Variants in TTN observed in about 807,000 individuals in gnomAD.
TTN encodes connectin.
In TTN, 1,525 loss-of-function variants were observed where a neutral mutation model predicts 3,223.0. The ratio of observed to expected loss-of-function variants is 0.47; its 90% CI spans 0.45 to 0.49. The LOEUF is 0.49. TTN is among the 20% of genes least tolerant of loss of function. The pLI is 0.00. For missense variants in TTN, 40,786 were observed against 43,424.0 expected (o/e 0.94, Z 5.40); for synonymous variants, 14,094 against 15,161.0 (o/e 0.93, Z 5.17).
At position 178,563,787 on chromosome 2, in the gene TTN, T is replaced by G. The variant is rs925851202; in HGVS notation, c.82345A>C (p.Lys27449Gln). Residue 27449 changes from lysine to glutamine, a missense_variant, in exon 326 of 363, where the codon AAA (lysine) becomes CAA (glutamine). By Grantham distance (53) the Lys-to-Gln change is moderately conservative (BLOSUM62 1). Transcript: ENST00000589042. The surrounding 1 kb of genome is among the most constrained non-coding windows in gnomAD (Gnocchi z 4.5). ...EYIFRVMAVNKYGIGEPLESG... is the reference protein window; with the variant it reads ...EYIFRVMAVNQYGIGEPLESG... ...TCCAAGGGCTCTCCAATTCCATATT[T>G]ATTCACAGCCATGACACGGAAAATG... is the stretch of plus-strand genomic sequence containing the variant. 1 of 1,613,576 alleles carries G rather than the reference T, an allele frequency of 6.2e-7. No homozygotes were observed.
chr2:178,731,812 T>A lies in TTN; in HGVS notation c.17063A>T (p.Gln5688Leu). The change falls in exon 58 of 363, where the codon CAG becomes CTG. Residue 5688 changes from glutamine (Q) to leucine (L), a missense_variant. Coordinates refer to ENST00000589042, the MANE Select transcript of TTN (RefSeq NM_001267550.2). ...RSGRKYKTFIQDHLVSLQILK... is the reference protein window; with the variant it reads ...RSGRKYKTFILDHLVSLQILK... ...GATCTGCAGGCTAACCAGATGATCC[T>A]GAATGAAAGTCTTATACTTTCTACC... 1 of 1,613,822 alleles carries A rather than the reference T, an allele frequency of 6.2e-7. No homozygotes were observed. Among genetic ancestry groups the A allele is most frequent in the South Asian group, 1.1e-5 (1 of 91,084 alleles).
chr2:178,594,794 CTA>C, intron 295 of TTN, 148 bp from the exon 296 acceptor site: 1 of 634,516 alleles, frequency 1.6e-6, no homozygotes, highest in Non-Finnish European at 2.5e-6. Flanking sequence ...CATCATAAAA[CTA>C]TTAGAGTTAA....
chr2:178,608,363 T>C lies in TTN; in HGVS notation c.52520A>G (p.Glu17507Gly). ...ATGTGTACTGTTAACTTCACGTTTT[T>C]CAAGCCAGTAACCCAAAATGGGGCT... ...NGSPILGYWL[E>G]KREVNSTHWS... The change falls in exon 275 of 363, where the codon GAA (glutamate) becomes GGA (glycine). Residue 17507 changes from glutamate to glycine, a missense_variant. Physicochemically the swap from Glu to Gly is moderately conservative, Grantham distance 98. Coordinates refer to ENST00000589042, the MANE Select transcript of TTN (RefSeq NM_001267550.2). The C allele has an allele frequency of 6.2e-7, 1 of 1,612,036 alleles. No individual in the cohort carries two copies. The highest frequency in any genetic ancestry group is 8.5e-7 in the Non-Finnish European group (1 of 1,179,052).
Position 178,698,930 on chromosome 2 carries a change from A to G in TTN, c.30683-16T>C, listed in dbSNP as rs1560474526. 20 of 1,483,172 alleles carry G rather than the reference A, an allele frequency of 1.3e-5. No homozygotes were observed. Among genetic ancestry groups the G allele is most frequent in the Admixed American group, 2.6e-5 (1 of 39,208 alleles). 91.9% of individuals were successfully genotyped at this position (1,483,172 alleles called of 1,614,324 possible). A position where few individuals can be genotyped will look rare whatever the true frequency, so the allele number is the denominator to read the frequency against. On this transcript the variant is annotated splice_polypyrimidine_tract_variant and intron_variant, in intron 111 of 362. Transcript: ENST00000589042. The stretch of plus-strand genomic sequence containing the variant: ...TTTTTGGTAACTAAAAAAAAAAAAA[A>G]AGAAAAAAAAAGAAAAAATATTTCT...
intron 47 of TTN, chr2:178,748,888 T>C: frequency 6.2e-7 from 1 of 1,612,526 alleles, no homozygotes; most frequent in Non-Finnish European, 8.5e-7. Context: ...TTAGATTGCT[T>C]GATCTTGATT....
At position 178,720,502 on chromosome 2, in the gene TTN, G is replaced by A; in HGVS notation, c.23260C>T (p.His7754Tyr). 6.2e-7 allele frequency: 1 copy of A among 1,613,646 alleles called. No individual in the cohort carries two copies. The highest frequency in any genetic ancestry group is 1.1e-5 in the South Asian group (1 of 91,068). ...NSKKFKITSKHFDTSLHILNL... is the reference protein window; with the variant it reads ...NSKKFKITSKYFDTSLHILNL... The stretch of plus-strand genomic sequence containing the variant: ...AGGATATGAAGACTTGTATCAAAAT[G>A]TTTTGAAGTGATTTTAAATTTCTTG... The change falls in exon 80 of 363, where the codon CAT becomes TAT. Residue 7754 changes from histidine to tyrosine, a missense_variant. Coordinates refer to ENST00000589042, the MANE Select transcript of TTN (RefSeq NM_001267550.2).
intron 163 of TTN, among the ~76,000 whole-genome samples, 163 bp downstream of exon 163, chr2:178,666,661 C>T (rs1156432077): frequency 6.6e-6 from 1 of 152,140 alleles, no homozygotes; most frequent in East Asian, 1.9e-4. Flanking sequence ...TTGAGTGACT[C>T]ACTGGGACAT....
Position 178,725,571 on chromosome 2 carries a change from T to G in TTN, c.20633A>C (p.Glu6878Ala), listed in dbSNP as rs752107739. The stretch of plus-strand genomic sequence containing the variant: ...CTGGACAAAAATAGGCTGGGCGCCT[T>G]CTATGGATGCTTGTAATTCAGCAGG... The part of the protein sequence containing the change: ...GEPAELQASI[E>A]GAQPIFVQWL... Residue 6878 changes from glutamate to alanine, a missense_variant, in exon 71 of 363, where the codon GAA (glutamate) becomes GCA (alanine). By Grantham distance (107) the Glu-to-Ala change is moderately radical. Transcript: ENST00000589042. The G allele has an allele frequency of 8.1e-6, 13 of 1,612,746 alleles. No individual in the cohort carries two copies. The highest frequency in any genetic ancestry group is 1.1e-5 in the Non-Finnish European group (13 of 1,179,348).
intron 258 of TTN, 40 bp downstream of exon 258, chr2:178,615,601 G>C (rs764781593): frequency 6.2e-7 from 1 of 1,610,224 alleles, no homozygotes; most frequent in Admixed American, 1.7e-5. Flanking sequence ...GCAAAAACAG[G>C]CAACAAGATT....
Position 178,579,761 on chromosome 2 carries a change from C to G in TTN, c.67436G>C (p.Gly22479Ala). The change falls in exon 319 of 363, where the codon GGT (glycine) becomes GCT (alanine). Residue 22479 changes from glycine (G) to alanine (A), a missense_variant. Physicochemically the swap from Gly to Ala is moderately conservative, Grantham distance 60. Coordinates refer to ENST00000589042, the MANE Select transcript of TTN (RefSeq NM_001267550.2). Reference sequence around the variant, plus strand: ...TACATATCCAATAATCCGACTTCCACCATCACTGTGAGGCTTTTTCCAGCC... The same window carrying G: ...TACATATCCAATAATCCGACTTCCAGCATCACTGTGAGGCTTTTTCCAGCC... ...SIGWKKPHSDGGSRIIGYVVD... is the reference protein window; with the variant it reads ...SIGWKKPHSDAGSRIIGYVVD... 6.2e-7 allele frequency: 1 copy of G among 1,613,340 alleles called. No individual in the cohort carries two copies. The highest frequency in any genetic ancestry group is 1.1e-5 in the South Asian group (1 of 91,074).
Position 178,536,168 on chromosome 2 carries a change from C to T in TTN, c.100579G>A (p.Val33527Ile), listed in dbSNP as rs2278196. ...TCTTTGCCTTGTCTGTACCATTTGA[C>T]GATAGGTTTTGGATGACCAGTCACT... ...CKVTGHPKPI[V>I]KWYRQGKEII... The change falls in exon 357 of 363, where the codon GTC (valine) becomes ATC (isoleucine). Residue 33527 changes from valine (V) to isoleucine (I), a missense_variant. Val to Ile is a conservative substitution (Grantham distance 29). Transcript: ENST00000589042. 0.025 allele frequency: 40,890 copies of T among 1,613,412 alleles called. 1,143 individuals carry two copies. The highest frequency in any genetic ancestry group is 0.16 in the East Asian group (7,244 of 44,834).
In TTN at chr2:178,731,884, G is replaced by A; in HGVS notation, c.16991C>T (p.Pro5664Leu). The A allele has an allele frequency of 6.2e-7, 1 of 1,613,758 alleles. No homozygotes were observed. Among genetic ancestry groups the A allele is most frequent in the Non-Finnish European group, 8.5e-7 (1 of 1,179,734 alleles). ...TTTGAACCAAGTGATCTCAAAGGGA[G>A]GAGTGCCTGCCACCTCAGCCAGCAA... is the stretch of plus-strand genomic sequence containing the variant. ...VMLLAEVAGT[P>L]PFEITWFKDN... The change falls in exon 58 of 363, where the codon CCT (proline) becomes CTT (leucine). Residue 5664 changes from proline (P) to leucine (L), a missense_variant. Coordinates refer to ENST00000589042, the MANE Select transcript of TTN (RefSeq NM_001267550.2).
chr2:178,671,974 T>C lies in TTN; in HGVS notation c.35224A>G (p.Lys11742Glu), dbSNP rs2067071366. 1.3e-6 allele frequency: 2 copies of C among 1,598,912 alleles called. No individual in the cohort carries two copies. Among genetic ancestry groups the C allele is most frequent in the Non-Finnish European group, 8.5e-7 (1 of 1,176,110 alleles). Residue 11742 changes from lysine to glutamate, a missense_variant, in exon 155 of 363, where the codon AAA becomes GAA. Transcript: ENST00000589042. ...GTATTTGAAGAATTCCCTATACCTTTAGGTGGAGCTTTTGGTTTTTCAAAT... is the reference window on the plus strand; with the variant it reads ...GTATTTGAAGAATTCCCTATACCTTCAGGTGGAGCTTTTGGTTTTTCAAAT... ...EVFEKPKAPP[K>E]GPEISEKIIP...
chr2:178,712,321 T>C lies in TTN; in HGVS notation c.27601A>G (p.Ile9201Val). ...GKDSCSAQIL[I>V]LEPPYFVKQL... ...ATGTGCAATCATGACAAACCTAGTA[T>C]GAGTATTTGTGCTGAACAGGAATCT... The change falls in exon 95 of 363, where the codon ATA becomes GTA. Residue 9201 changes from isoleucine to valine, a missense_variant. Coordinates refer to ENST00000589042, the MANE Select transcript of TTN (RefSeq NM_001267550.2). 6.2e-7 allele frequency: 1 copy of C among 1,612,556 alleles called. No individual in the cohort carries two copies. The highest frequency in any genetic ancestry group is 1.3e-5 in the African/African-American group (1 of 74,978).
At chr2:178,744,320 G>A in intron 47 of TTN, 1 of 928,520 alleles carries the variant, frequency 1.1e-6, no homozygotes, top group Non-Finnish European at 1.3e-6. Context: ...ATTGTATTAA[G>A]AATAATTACT....
chr2:178,581,089 TAAG>T (rs1380320252), intron 316 of TTN, among the ~76,000 whole-genome samples: 1 of 151,810 alleles, frequency 6.6e-6, no homozygotes, highest in Non-Finnish European at 1.5e-5. Context: ...ATAGAAGAAA[TAAG>T]AAGAAGGGAA....
intron 129 of TTN, 107 bp downstream of exon 129, chr2:178,685,146 G>T: frequency 8.3e-7 from 1 of 1,198,630 alleles, no homozygotes; most frequent in Non-Finnish European, 1.2e-6. Context: ...CTGACAAAAC[G>T]TAGACAGTTA....
chr2:178,573,283 T>A lies in TTN; in HGVS notation c.72849A>T (p.Lys24283Asn). 1 of 1,594,534 alleles carries A rather than the reference T, an allele frequency of 6.3e-7. No homozygotes were observed. Among genetic ancestry groups the A allele is most frequent in the Non-Finnish European group, 8.5e-7 (1 of 1,170,650 alleles). ...NKKTLTDLRYKVSGLTEGHEY... is the reference protein window; with the variant it reads ...NKKTLTDLRYNVSGLTEGHEY... Reference sequence around the variant, plus strand: ...CATGTCCTTCTGTCAGTCCAGACACTTTATATCTTAAATCAGTAAGAGTTT... The same window carrying A: ...CATGTCCTTCTGTCAGTCCAGACACATTATATCTTAAATCAGTAAGAGTTT... The change falls in exon 326 of 363, where the codon AAA (lysine) becomes AAT (asparagine). Residue 24283 changes from lysine to asparagine, a missense_variant. Transcript: ENST00000589042.
intron 163 of TTN, among the ~76,000 whole-genome samples, 174 bp downstream of exon 163, chr2:178,666,650 C>T (rs140607319): frequency 2.0e-5 from 3 of 152,274 alleles, no homozygotes; most frequent in African/African-American, 7.2e-5. Flanking sequence ...TCTGTTGTCT[C>T]TTGAGTGACT....
Sources: gnomAD v4.1 joint callset for allele counts (sites outside exome capture counted in the v4.1 genomes callset) on GRCh38, gnomAD v4.1.1 for gene constraint, Gnocchi (gnomAD v3.1) non-coding constraint, MANE v1.5 for transcripts, NCBI Gene and HGNC (gene_info 2026-07-23, HGNC 2026-07-21) for gene names.